BABAM2: variants seen among roughly 807,000 people sequenced by gnomAD.
BABAM2 encodes the protein BRISC and BRCA1 A complex member 2, also known as BRISC and BRCA1-A complex member 2.
Under a neutral mutation model 54.7 loss-of-function variants are expected in BABAM2, and 31 were observed. The ratio of observed to expected loss-of-function variants is 0.57; its 90% confidence interval spans 0.43 to 0.77. The LOEUF is 0.77. BABAM2 is among the 30% of genes least tolerant of loss of function. The pLI is 0.00. For missense variants in BABAM2, 364 were observed against 455.8 expected (o/e 0.80, Z 1.83); for synonymous variants, 167 against 162.9 (o/e 1.03, Z -0.19).
chr2:28,308,654 C>T (rs1170995316), intron 11 of BABAM2: 1 of 316,938 alleles, frequency 3.2e-6, no homozygotes, highest in African/African-American at 2.2e-5. Context: ...AGCATAGGTC[C>T]TCTGACCCTT....
chr2:28,176,569 CAAAAAAAAAAA>C (rs778275011), intron 7 of BABAM2, among the ~76,000 whole-genome samples: 5 of 5,040 alleles, frequency 9.9e-4, no homozygotes, highest in Non-Finnish European at 1.4e-3. Flanking sequence ...GACTCTATCT[CAAAAAAAAAAA>C]AAAAAAAAAA....
At chr2:28,061,458 G>A (rs1349974750) in intron 6 of BABAM2, among the ~76,000 whole-genome samples, 7 of 151,362 alleles carry the variant, frequency 4.6e-5, no homozygotes, top group East Asian at 1.9e-4. Context: ...GGTGGCGGGC[G>A]CCTGTAGTCC....
At chr2:27,945,530 A>C (rs1669236759) in intron 3 of BABAM2, among the ~76,000 whole-genome samples, 1 of 152,174 alleles carries the variant, frequency 6.6e-6, no homozygotes, top group African/African-American at 2.4e-5. Flanking sequence ...GGATATTCTA[A>C]GTCCTTTGCA....
At chr2:28,049,536 G>A (rs1246919896) in intron 6 of BABAM2, among the ~76,000 whole-genome samples, 1 of 152,146 alleles carries the variant, frequency 6.6e-6, no homozygotes, top group African/African-American at 2.4e-5. Context: ...CATTCATCCT[G>A]ATGGATTGCA....
rs1553352395 is a variant in BABAM2 at position 28,259,106 on chromosome 2, T to TTTTC, written c.934+14244_934+14245insTTTC. Among the ~76,000 whole-genome samples, 111 of 109,680 alleles carry TTTTC rather than the reference T, an allele frequency of 1.0e-3. 3 individuals carry two copies. Among genetic ancestry groups the TTTTC allele is most frequent in the African/African-American group, 1.8e-3 (48 of 27,398 alleles). The allele number at this position is 109,680 out of a possible 152,430, so 72.0% of individuals were successfully genotyped here. ...TTTTTTTTTTTTTTTTTTTTTTTTT[T>TTTTC]CAGACTGAGTCTTGCTCTGTTGCCA... is the stretch of plus-strand genomic sequence containing the variant. On this transcript the variant is annotated intron_variant, in intron 10 of 11. Transcript: ENST00000379624.
rs145057214 is a variant in BABAM2 at position 28,032,044 on chromosome 2, G to A, written c.495+6624G>A. Among the ~76,000 whole-genome samples the A allele has an allele frequency of 7.8e-4, 118 of 152,196 alleles. 1 individual carries two copies. The highest frequency in any genetic ancestry group is 3.4e-3 in the Middle Eastern group (1 of 294). On this transcript the variant is annotated intron_variant, in intron 5 of 11. Coordinates refer to ENST00000379624, the MANE Select transcript of BABAM2 (RefSeq NM_199191.3). ...AATGAAACATTATAAGAATCAATAG[G>A]TTCTTCCTGATCTGAATGGAAATTC...
At chr2:28,177,447 C>G (rs1675127675) in intron 7 of BABAM2, among the ~76,000 whole-genome samples, 1 of 148,438 alleles carries the variant, frequency 6.7e-6, no homozygotes, top group African/African-American at 2.6e-5. Flanking sequence ...TATCTATCAT[C>G]ATGAAAACAC....
chr2:28,199,876 A>T (rs1271484095), intron 7 of BABAM2, among the ~76,000 whole-genome samples: 2 of 152,138 alleles, frequency 1.3e-5, no homozygotes, highest in African/African-American at 4.8e-5. Flanking sequence ...CTTATCTAGG[A>T]TTGGCACCAA....
chr2:28,057,844 A>G (rs948309569), intron 6 of BABAM2, among the ~76,000 whole-genome samples: 1 of 152,172 alleles, frequency 6.6e-6, no homozygotes, highest in African/African-American at 2.4e-5. Context: ...CTTGGTTTTG[A>G]TAAAGAGAAG....
chr2:27,890,507 C>T, upstream of BABAM2: 1 of 635,826 alleles, frequency 1.6e-6, no homozygotes, highest in East Asian at 2.8e-5. This position sits in a 1 kb window ranked among gnomAD's most constrained non-coding sequence, Gnocchi z 4.8. Context: ...CACCAAGTGT[C>T]CCCTCTTCTT....
chr2:28,146,543 G>A (rs1383740372), intron 7 of BABAM2, among the ~76,000 whole-genome samples: 28 of 152,184 alleles, frequency 1.8e-4, no homozygotes, highest in Admixed American at 1.8e-3. Context: ...CTGATAGACA[G>A]TGAGCAAAAA....
intron 4 of BABAM2, among the ~76,000 whole-genome samples, chr2:27,992,285 A>T (rs1672837595): frequency 6.6e-6 from 1 of 152,206 alleles, no homozygotes; most frequent in African/African-American, 2.4e-5. Flanking sequence ...AATAAACAAA[A>T]GACAAAGAGT....
chr2:28,277,456 C>T (rs1320670411), intron 10 of BABAM2, among the ~76,000 whole-genome samples: 2 of 152,142 alleles, frequency 1.3e-5, no homozygotes, highest in African/African-American at 4.8e-5. Context: ...AGTTTGCAGA[C>T]ACATCAATAG....
At chr2:28,101,632 A>G (rs1049345114) in intron 6 of BABAM2, among the ~76,000 whole-genome samples, 2 of 152,158 alleles carry the variant, frequency 1.3e-5, no homozygotes, top group African/African-American at 4.8e-5. Flanking sequence ...AACATGCCCC[A>G]TATAGTAAGC....
At chr2:28,182,374 G>C (rs952154708) in intron 7 of BABAM2, among the ~76,000 whole-genome samples, 1 of 152,150 alleles carries the variant, frequency 6.6e-6, no homozygotes, top group Non-Finnish European at 1.5e-5. Context: ...TTACATTTTG[G>C]TAGAGCCACT....
intron 6 of BABAM2, among the ~76,000 whole-genome samples, chr2:28,068,031 C>T (rs1010331882): frequency 4.7e-5 from 7 of 150,274 alleles, no homozygotes; most frequent in African/African-American, 9.9e-5. Flanking sequence ...GAGTGGACCT[C>T]GCTTTTTCTA....
intron 10 of BABAM2, among the ~76,000 whole-genome samples, chr2:28,246,920 A>G (rs1228599107): frequency 2.0e-5 from 3 of 152,196 alleles, no homozygotes; most frequent in African/African-American, 7.2e-5. Flanking sequence ...GTTGCTTTTG[A>G]AGGTTTATTC....
At chr2:28,315,444 T>C (rs906391493) in intron 11 of BABAM2, among the ~76,000 whole-genome samples, 64 of 118,342 alleles carry the variant, frequency 5.4e-4, no homozygotes, top group African/African-American at 1.8e-3. Context: ...TTCTTTTCTT[T>C]TCTTTTCTTT....
At chr2:28,249,822 G>A (rs952583822) in intron 10 of BABAM2, among the ~76,000 whole-genome samples, 4 of 152,038 alleles carry the variant, frequency 2.6e-5, no homozygotes, top group African/African-American at 4.8e-5. Flanking sequence ...ATGTAGGGAC[G>A]AGGTTTTGCT....
Sources: allele counts gnomAD v4.1 joint callset (sites outside exome capture counted in the v4.1 genomes callset), GRCh38; gene constraint gnomAD v4.1.1; non-coding constraint Gnocchi (gnomAD v3.1); transcripts MANE v1.5; gene names NCBI Gene and HGNC (gene_info 2026-07-23, HGNC 2026-07-21).